NUDT6: variants seen among roughly 807,000 people sequenced by gnomAD.
NUDT6 encodes nudix hydrolase 6.
A neutral mutation model predicts 36.8 loss-of-function variants in NUDT6; 24 were observed. The observed-to-expected ratio is 0.65, with a 90% CI of 0.47 to 0.92. NUDT6 has a LOEUF of 0.92. Ranked by LOEUF, NUDT6 falls within the 40% of genes least tolerant of loss-of-function variation. NUDT6 has a pLI of 0.00. For missense variants in NUDT6, 388 were observed against 392.8 expected (o/e 0.99, Z 0.10); for synonymous variants, 163 against 157.0 (o/e 1.04, Z -0.29).
At position 122,915,490 on chromosome 4, in the gene NUDT6, A is replaced by AAAC. The variant is rs1560773957; in HGVS notation, c.442+2010_442+2011insGTT. 4.3e-5 allele frequency among the ~76,000 whole-genome samples: 6 copies of AAAC among 140,554 alleles called. 1 individual carries two copies. Among genetic ancestry groups the AAAC allele is most frequent in the African/African-American group, 7.8e-5 (3 of 38,330 alleles). 92.2% of individuals were successfully genotyped at this position (140,554 alleles called of 152,430 possible). On this transcript the variant is annotated intron_variant, in intron 2 of 4. Transcript: ENST00000304430. ...GCCTCAAAAAAAAAAAAAAAAAAAA[A>AAAC]AAAAAAAACAACTCTGCACCTTTCC...
At position 122,922,505 on chromosome 4, in the gene NUDT6, G is replaced by C; in HGVS notation, c.68C>G (p.Ser23Trp). ...GCCCGAGGCCCAGCGGTAACCCGCC[G>C]AAGGCCCGGGGCCGTAGGTTCGGGC... ...MLARTYGPGP[S>W]AGYRWASGAQ... The change falls in exon 1 of 5, where the codon TCG becomes TGG. Residue 23 changes from serine (S) to tryptophan (W), a missense_variant. Transcript: ENST00000304430. The C allele has an allele frequency of 6.2e-7, 1 of 1,609,942 alleles. No individual in the cohort carries two copies. The highest frequency in any genetic ancestry group is 8.5e-7 in the Non-Finnish European group (1 of 1,179,702).
At chr4:122,907,917 C>G (rs1474912066) in intron 3 of NUDT6, among the ~76,000 whole-genome samples, 2 of 152,128 alleles carry the variant, frequency 1.3e-5, no homozygotes, top group African/African-American at 2.4e-5. Context: ...GCAACTATCC[C>G]CACTCACAGC....
intron 3 of NUDT6, among the ~76,000 whole-genome samples, chr4:122,911,411 G>A (rs2150806996): frequency 6.6e-6 from 1 of 152,118 alleles, no homozygotes; most frequent in Middle Eastern, 3.4e-3. Flanking sequence ...ACTCAATAAT[G>A]CCTCCTACTC....
Position 122,892,636 on chromosome 4 carries a change from A to G in NUDT6, c.*192T>C. Reference sequence around the variant, plus strand: ...CTGTTACCCAGTGAAGCTTACCTAGAGCAATGATCTTTTTCACGCATTTGC... The same window carrying G: ...CTGTTACCCAGTGAAGCTTACCTAGGGCAATGATCTTTTTCACGCATTTGC... On this transcript the variant is annotated 3_prime_UTR_variant, in exon 5 of 5. Coordinates refer to ENST00000304430, the MANE Select transcript of NUDT6 (RefSeq NM_007083.5). 1 of 1,421,814 alleles carries G rather than the reference A, an allele frequency of 7.0e-7. No homozygotes were observed. The highest frequency in any genetic ancestry group is 1.6e-5 in the South Asian group (1 of 63,508). 88.1% of individuals were successfully genotyped at this position (1,421,814 alleles called of 1,614,324 possible).
At chr4:122,907,161 C>T (rs1727632105) in intron 3 of NUDT6, among the ~76,000 whole-genome samples, 1 of 152,148 alleles carries the variant, frequency 6.6e-6, no homozygotes, top group African/African-American at 2.4e-5. Flanking sequence ...AGACGAGTCT[C>T]ACTCTGTCGC....
Position 122,893,196 on chromosome 4 carries a change from C to T in NUDT6, c.583G>A (p.Glu195Lys). The T allele has an allele frequency of 2.5e-6, 4 of 1,609,178 alleles. No homozygotes were observed. The highest frequency in any genetic ancestry group is 3.4e-6 in the Non-Finnish European group (4 of 1,177,070). Residue 195 changes from glutamate (E) to lysine (K), a missense_variant, in exon 5 of 5, where the codon GAG (glutamate) becomes AAG (lysine). Transcript: ENST00000304430. ...CTGAATTCTGATTTTATACCAGTCT[C>T]TTCAAAAACTTCTCGAACCGCTGTG... The part of the protein sequence containing the change: ...GDTAVREVFE[E>K]TGIKSEFRSV...
intron 3 of NUDT6, chr4:122,897,933 A>G (rs942779061): frequency 4.9e-6 from 2 of 411,170 alleles, no homozygotes; most frequent in Non-Finnish European, 8.7e-6. Flanking sequence ...AACGTGATAC[A>G]TTCTGTATGA....
intron 4 of NUDT6, chr4:122,894,757 T>C (rs1297401965): frequency 2.0e-5 from 3 of 152,198 alleles, no homozygotes; most frequent in Admixed American, 6.5e-5. Flanking sequence ...AAAATAATTA[T>C]GGGGAAATAC....
At chr4:122,918,455 T>C (rs2150810747) in intron 1 of NUDT6, 1 of 152,344 alleles carries the variant, frequency 6.6e-6, no homozygotes, top group South Asian at 2.1e-4. Context: ...AAGGTATTAC[T>C]ACCTTAAGTT....
chr4:122,908,459 T>C (rs1190772577), intron 3 of NUDT6, among the ~76,000 whole-genome samples: 1 of 152,230 alleles, frequency 6.6e-6, no homozygotes, highest in Non-Finnish European at 1.5e-5. Flanking sequence ...AATCTACCTA[T>C]AGCCAGTAAG....
intron 2 of NUDT6, among the ~76,000 whole-genome samples, chr4:122,915,490 A>AAAAAAAAC (rs1727817890): frequency 7.1e-6 from 1 of 140,562 alleles, no homozygotes; most frequent in African/African-American, 2.6e-5. Flanking sequence ...AAAAAAAAAA[A>AAAAAAAAC]AAAAAAAACA....
At chr4:122,908,502 A>C (rs1018177943) in intron 3 of NUDT6, among the ~76,000 whole-genome samples, 2 of 152,160 alleles carry the variant, frequency 1.3e-5, no homozygotes, top group African/African-American at 4.8e-5. Flanking sequence ...TCTTCAAAAC[A>C]TCCTGCCTTT....
chr4:122,917,670 T>C lies in NUDT6; in HGVS notation c.273A>G (p.Thr91=), dbSNP rs774933282. The C allele has an allele frequency of 9.3e-6, 15 of 1,614,064 alleles. No homozygotes were observed. The South Asian group carries it at 1.5e-4, about 17-fold the overall frequency. The change falls in exon 2 of 5, where the codon ACA becomes ACG. Residue 91 remains threonine (T), a synonymous_variant. Coordinates refer to ENST00000304430, the MANE Select transcript of NUDT6 (RefSeq NM_007083.5). ...AVQQWRSEGR[T]AVWLHIPILQ... ...GGATGGGAATGTGCAGCCATACAGC[T>C]GTTCTACCTTCTGATCGCCATTGCT...
At chr4:122,922,624 A>G (rs768671846), upstream of NUDT6, 1 of 1,460,178 alleles carries the variant, frequency 6.8e-7, no homozygotes, top group East Asian at 2.3e-5. Context: ...CGCGCTCCAG[A>G]GCGGAGATCG....
intron 3 of NUDT6, among the ~76,000 whole-genome samples, chr4:122,904,847 T>C (rs2150803742): frequency 6.6e-6 from 1 of 152,290 alleles, no homozygotes; most frequent in Middle Eastern, 3.4e-3. Context: ...AGTAGGTAAT[T>C]AATATACAGC....
intron 1 of NUDT6, 22 bp from the exon 2 acceptor site, chr4:122,917,726 C>A: frequency 6.2e-7 from 1 of 1,608,810 alleles, no homozygotes; most frequent in South Asian, 1.1e-5. Context: ...AGAAAAAAGT[C>A]TAAATAATTT....
intron 3 of NUDT6, among the ~76,000 whole-genome samples, chr4:122,907,921 T>C (rs1052283098): frequency 6.6e-6 from 1 of 152,164 alleles, no homozygotes; most frequent in African/African-American, 2.4e-5. Flanking sequence ...CTATCCCCAC[T>C]CACAGCACTT....
At chr4:122,916,567 T>C (rs1368297640) in intron 2 of NUDT6, among the ~76,000 whole-genome samples, 1 of 152,172 alleles carries the variant, frequency 6.6e-6, no homozygotes, top group African/African-American at 2.4e-5. Context: ...ACTATTTGAG[T>C]AGTGAAGTTT....
chr4:122,901,701 A>G (rs935003053), intron 3 of NUDT6, among the ~76,000 whole-genome samples: 1 of 152,222 alleles, frequency 6.6e-6, no homozygotes, highest in African/African-American at 2.4e-5. Flanking sequence ...CTTATCCTGA[A>G]GATAAACTCG....
Sources: gnomAD v4.1 joint callset for allele counts (sites outside exome capture counted in the v4.1 genomes callset) on GRCh38, gnomAD v4.1.1 for gene constraint, MANE v1.5 for transcripts, NCBI Gene and HGNC (gene_info 2026-07-23, HGNC 2026-07-21) for gene names.